SCYL2: variants seen among roughly 807,000 people sequenced by gnomAD.
The protein encoded by SCYL2 is SCY1 like pseudokinase 2.
A neutral mutation model predicts 100.4 loss-of-function variants in SCYL2; 36 were observed. The observed-to-expected ratio is 0.36, with a 90% CI of 0.27 to 0.47. The LOEUF (loss-of-function observed/expected upper bound fraction) is 0.47, where lower values mean the gene tolerates loss of function less well. Among genes scored for constraint, SCYL2 ranks in the 20% least tolerant of loss-of-function variants. The pLI, the probability that SCYL2 is intolerant of heterozygous loss-of-function variation, is 1.00. For missense variants in SCYL2, 902 were observed against 1,083.9 expected (o/e 0.83, Z 2.36); for synonymous variants, 330 against 359.2 (o/e 0.92, Z 0.92).
chr12:100,309,763 C>T (rs1041411305), intron 4 of SCYL2, among the ~76,000 whole-genome samples: 9 of 152,140 alleles, frequency 5.9e-5, no homozygotes, highest in African/African-American at 1.9e-4. Context: ...CTCTGTAAGA[C>T]CCTGCTATCA....
chr12:100,288,538 T>C (rs2096306939), intron 2 of SCYL2, among the ~76,000 whole-genome samples: 1 of 152,122 alleles, frequency 6.6e-6, no homozygotes, highest in Admixed American at 6.5e-5. Flanking sequence ...TTTTTATATA[T>C]ACTTAGAACA....
At chr12:100,291,204 C>T (rs894801061) in intron 2 of SCYL2, among the ~76,000 whole-genome samples, 4 of 152,096 alleles carry the variant, frequency 2.6e-5, no homozygotes, top group Non-Finnish European at 5.9e-5. Context: ...TCTTTGAATT[C>T]TGTGTCCATA....
Position 100,339,291 on chromosome 12 carries a change from C to T in SCYL2, c.*119C>T. ...TATGGGAAAGTGAACAGTTCTGTGA[C>T]AGGAAACATCTCTGTCCATGCCAGC... On this transcript the variant is annotated 3_prime_UTR_variant, in exon 18 of 18. Coordinates refer to ENST00000360820, the MANE Select transcript of SCYL2 (RefSeq NM_017988.6). The T allele has an allele frequency of 1.0e-6, 1 of 955,718 alleles. No individual in the cohort carries two copies. 59.2% of individuals were successfully genotyped at this position (955,718 alleles called of 1,614,324 possible). A position where few individuals can be genotyped will look rare whatever the true frequency, so the allele number is the denominator to read the frequency against.
At chr12:100,299,832 A>T (rs1402285346) in intron 4 of SCYL2, among the ~76,000 whole-genome samples, 2 of 152,114 alleles carry the variant, frequency 1.3e-5, no homozygotes, top group Non-Finnish European at 2.9e-5. Flanking sequence ...TTCATGTACA[A>T]GTTTTTGTAT....
At chr12:100,312,686 A>C in intron 6 of SCYL2, 33 bp downstream of exon 6, 1 of 1,478,366 alleles carries the variant, frequency 6.8e-7, no homozygotes, top group African/African-American at 1.4e-5. Context: ...CTTGCATTAA[A>C]AAATTTATTA....
intron 9 of SCYL2, among the ~76,000 whole-genome samples, chr12:100,316,860 G>A (rs1348169285): frequency 6.6e-6 from 1 of 152,144 alleles, no homozygotes; most frequent in Non-Finnish European, 1.5e-5. Flanking sequence ...CCAGTTCTTT[G>A]TCGTGTCAAA....
intron 3 of SCYL2, among the ~76,000 whole-genome samples, chr12:100,294,906 C>A (rs535793862): frequency 2.0e-5 from 3 of 147,208 alleles, no homozygotes; most frequent in African/African-American, 7.7e-5. Context: ...TCAGACGGGG[C>A]GGCTGCTGGG....
In SCYL2 at chr12:100,299,038, T is replaced by C. The variant is rs1465730699; in HGVS notation, c.480+863T>C. 2.0e-5 allele frequency among the ~76,000 whole-genome samples: 3 copies of C among 152,162 alleles called. No individual in the cohort carries two copies. In the East Asian group the frequency reaches 5.8e-4, roughly 29 times the overall value. On this transcript the variant is annotated intron_variant, in intron 4 of 17. Coordinates refer to ENST00000360820, the MANE Select transcript of SCYL2 (RefSeq NM_017988.6). ...TGAGCTCAGGAGTTTGAGACAACCCTGAGCTCAAACATAGCAAGACCTTGT... is the reference window on the plus strand; with the variant it reads ...TGAGCTCAGGAGTTTGAGACAACCCCGAGCTCAAACATAGCAAGACCTTGT...
At chr12:100,280,615 G>C (rs1183365049) in intron 1 of SCYL2, among the ~76,000 whole-genome samples, 2 of 152,122 alleles carry the variant, frequency 1.3e-5, no homozygotes, top group Non-Finnish European at 2.9e-5. Context: ...AGTTAAGCCT[G>C]GCAATTACTA....
intron 1 of SCYL2, among the ~76,000 whole-genome samples, chr12:100,275,755 G>A (rs1247021054): frequency 6.6e-6 from 1 of 152,154 alleles, no homozygotes; most frequent in Non-Finnish European, 1.5e-5. Context: ...ACCTTGTTCT[G>A]AAACTTAGGG....
chr12:100,273,086 C>T (rs1279183198), intron 1 of SCYL2, among the ~76,000 whole-genome samples: 2 of 152,076 alleles, frequency 1.3e-5, no homozygotes, highest in African/African-American at 2.4e-5. Context: ...ATATCTTTCA[C>T]TCTGCTTGAT....
chr12:100,273,196 T>C (rs1566339580), intron 1 of SCYL2, among the ~76,000 whole-genome samples: 1 of 152,158 alleles, frequency 6.6e-6, no homozygotes, highest in Non-Finnish European at 1.5e-5. Flanking sequence ...CTTTTTAGCC[T>C]CCTTTGCCAT....
At chr12:100,329,580 G>C (rs775535755) in intron 13 of SCYL2, among the ~76,000 whole-genome samples, 1 of 152,118 alleles carries the variant, frequency 6.6e-6, no homozygotes, top group African/African-American at 2.4e-5. Context: ...CATGAATGAA[G>C]AACAAAGTTA....
intron 9 of SCYL2, 97 bp downstream of exon 9, chr12:100,315,831 T>G: frequency 9.9e-7 from 1 of 1,007,582 alleles, no homozygotes; most frequent in South Asian, 2.7e-5. Flanking sequence ...TAAAAAAAAC[T>G]GAGGTAAGTG....
chr12:100,294,182 A>C lies in SCYL2; in HGVS notation c.335+2522A>C, dbSNP rs1430849775. Among the ~76,000 whole-genome samples the C allele has an allele frequency of 2.8e-5, 4 of 141,368 alleles. No homozygotes were observed. In the South Asian group the frequency reaches 6.9e-4, roughly 25 times the overall value. The allele number at this position is 141,368 out of a possible 152,430, so 92.7% of individuals were successfully genotyped here. Reference sequence around the variant, plus strand: ...GCTGACTCCCCCACCTCCCTCCCGGAAGGGGTGGCTGGCCAGGCGGGGGGG... The same window carrying C: ...GCTGACTCCCCCACCTCCCTCCCGGCAGGGGTGGCTGGCCAGGCGGGGGGG... On this transcript the variant is annotated intron_variant, in intron 3 of 17. Coordinates refer to ENST00000360820, the MANE Select transcript of SCYL2 (RefSeq NM_017988.6).
At chr12:100,301,381 T>C (rs2096327460) in intron 4 of SCYL2, among the ~76,000 whole-genome samples, 1 of 152,252 alleles carries the variant, frequency 6.6e-6, no homozygotes, top group Non-Finnish European at 1.5e-5. Flanking sequence ...TTGAACTTCT[T>C]ATATATTCTG....
intron 13 of SCYL2, among the ~76,000 whole-genome samples, chr12:100,330,809 TC>T (rs1437649430): frequency 2.0e-5 from 3 of 151,340 alleles, no homozygotes; most frequent in Non-Finnish European, 4.4e-5. Flanking sequence ...GAAAATTTGT[TC>T]CTAGGTTTTA....
chr12:100,289,001 C>T (rs182622218), intron 2 of SCYL2, among the ~76,000 whole-genome samples: 402 of 151,816 alleles, frequency 2.6e-3, no homozygotes, highest in South Asian at 0.012. Context: ...GCTACCGTGC[C>T]GGCCATAACA....
chr12:100,324,230 C>A (rs552844634), intron 11 of SCYL2, among the ~76,000 whole-genome samples: 2 of 152,262 alleles, frequency 1.3e-5, no homozygotes, highest in South Asian at 4.1e-4. Context: ...ACAAAGTTTT[C>A]ATTATCTCAT....
Sources: allele counts gnomAD v4.1 joint callset (sites outside exome capture counted in the v4.1 genomes callset), GRCh38; gene constraint gnomAD v4.1.1; transcripts MANE v1.5; gene names NCBI Gene and HGNC (gene_info 2026-07-23, HGNC 2026-07-21).